UNC5D: variants seen among roughly 807,000 people sequenced by gnomAD.
UNC5D encodes netrin receptor UNC5D.
In UNC5D, 39 loss-of-function variants were observed where a neutral mutation model predicts 105.4. The observed-to-expected ratio is 0.37, with a 90% CI of 0.29 to 0.48. UNC5D has a LOEUF of 0.48. Among genes scored for constraint, UNC5D ranks in the 20% least tolerant of loss-of-function variants. The pLI, the probability that UNC5D is intolerant of heterozygous loss-of-function variation, is 0.98. For missense variants in UNC5D, 991 were observed against 1,202.4 expected, an observed-to-expected ratio of 0.82 and a Z score of 2.60; for synonymous variants, 452 against 450.4, an observed-to-expected ratio of 1.00 and a Z score of -0.04.
chr8:35,732,247 T>A (rs1829230260), intron 11 of UNC5D, among the ~76,000 whole-genome samples: 1 of 152,192 alleles, frequency 6.6e-6, no homozygotes. Flanking sequence ...TGGTACTCAA[T>A]GGTTTTAACT....
In UNC5D at chr8:35,533,331, TG is replaced by T. The variant is rs1371240378; in HGVS notation, c.104-15955del. 5.9e-5 allele frequency among the ~76,000 whole-genome samples: 9 copies of T among 152,050 alleles called. No individual in the cohort carries two copies. The South Asian group carries it at 1.2e-3, about 21-fold the overall frequency. On this transcript the variant is annotated intron_variant, in intron 1 of 16. Transcript: ENST00000404895. ...GTGTGAGGGGTCAGTGTGCCCCTGC[TG>T]GGGGGTGCCTCCCAGTTAGGCTGCT...
At chr8:35,421,736 A>G (rs1262731626) in intron 1 of UNC5D, among the ~76,000 whole-genome samples, 1 of 152,190 alleles carries the variant, frequency 6.6e-6, no homozygotes. Context: ...AAAATACAAC[A>G]TTTATGAAAA....
At chr8:35,704,389 A>G (rs1194246281) in intron 7 of UNC5D, among the ~76,000 whole-genome samples, 2 of 152,238 alleles carry the variant, frequency 1.3e-5, no homozygotes, top group Non-Finnish European at 2.9e-5. Context: ...AACTCAGAAT[A>G]GAGCTGTGTT....
At chr8:35,587,555 G>A (rs1010975521) in intron 3 of UNC5D, among the ~76,000 whole-genome samples, 1 of 152,148 alleles carries the variant, frequency 6.6e-6, no homozygotes, top group African/African-American at 2.4e-5. Flanking sequence ...AACAGAACCA[G>A]TGAAAAGTTT....
intron 1 of UNC5D, among the ~76,000 whole-genome samples, chr8:35,367,931 C>T (rs1043884549): frequency 8.5e-5 from 13 of 152,266 alleles, no homozygotes; most frequent in African/African-American, 2.6e-4. Flanking sequence ...TTTCTCTATA[C>T]GTCTTCTCTA....
At chr8:35,434,947 G>A (rs1293736137) in intron 1 of UNC5D, among the ~76,000 whole-genome samples, 2 of 152,058 alleles carry the variant, frequency 1.3e-5, no homozygotes, top group Non-Finnish European at 2.9e-5. Context: ...TGTCGTGTGT[G>A]TGTATCTGTG....
rs1300189329 is a variant in UNC5D at position 35,396,854 on chromosome 8, T to C, written c.104-152438T>C. 7.2e-5 allele frequency among the ~76,000 whole-genome samples: 11 copies of C among 151,788 alleles called. No individual in the cohort carries two copies. The East Asian group carries it at 2.0e-3, about 27-fold the overall frequency. On this transcript the variant is annotated intron_variant, in intron 1 of 16. Coordinates refer to ENST00000404895, the MANE Select transcript of UNC5D (RefSeq NM_080872.4). ...TTATAGGATACATGTGAAGTTTTGT[T>C]ATATGTGTATTATGTGTCTCTTCTG...
chr8:35,703,899 A>G (rs1827368274), intron 7 of UNC5D, among the ~76,000 whole-genome samples: 1 of 152,224 alleles, frequency 6.6e-6, no homozygotes, highest in Non-Finnish European at 1.5e-5. Flanking sequence ...GCAATAAGCA[A>G]AAACTGAGGT....
intron 11 of UNC5D, among the ~76,000 whole-genome samples, chr8:35,735,840 C>T (rs1829439074): frequency 6.6e-6 from 1 of 152,130 alleles, no homozygotes; most frequent in Admixed American, 6.5e-5. Flanking sequence ...ATCATGCAGA[C>T]CTAAGCACTC....
chr8:35,487,593 A>ACACACACACACACACACACCCCCC (rs1415748793), intron 1 of UNC5D, among the ~76,000 whole-genome samples: 2 of 150,588 alleles, frequency 1.3e-5, no homozygotes, highest in African/African-American at 4.9e-5. Context: ...ACACACACAC[A>ACACACACACACACACACACCCCCC]CCCCACAGAC....
chr8:35,793,965 TA>T lies in UNC5D; in HGVS notation c.*3406del, dbSNP rs899962946. On this transcript the variant is annotated 3_prime_UTR_variant, in exon 17 of 17. Transcript: ENST00000404895. ...GGGAGGGGATGTTAAGTCAAATCACTAAAACAGGGTTCTCTTTGGATTAAAA... is the reference window on the plus strand; with the variant it reads ...GGGAGGGGATGTTAAGTCAAATCACTAAACAGGGTTCTCTTTGGATTAAAA... The T allele has an allele frequency of 1.3e-5, 2 of 152,170 alleles. No homozygotes were observed. The highest frequency in any genetic ancestry group is 6.6e-5 in the Admixed American group (1 of 15,264). 9.4% of individuals were successfully genotyped at this position (152,170 alleles called of 1,614,324 possible). A position where few individuals can be genotyped will look rare whatever the true frequency, so the allele number is the denominator to read the frequency against.
intron 4 of UNC5D, among the ~76,000 whole-genome samples, chr8:35,628,515 T>C (rs1821834290): frequency 6.6e-6 from 1 of 152,318 alleles, no homozygotes; most frequent in Non-Finnish European, 1.5e-5. Flanking sequence ...AAAGTGTGCA[T>C]AGATTTTTCA....
rs73674017 is a variant in UNC5D at position 35,543,800 on chromosome 8, T to G, written c.104-5492T>G. Among the ~76,000 whole-genome samples the G allele has an allele frequency of 6.1e-3, 922 of 152,280 alleles. 8 individuals are homozygous for G. The highest frequency in any genetic ancestry group is 0.021 in the African/African-American group (879 of 41,554). ...CACCCATCCTGATCTGGAATCGCAG[T>G]CCAGCTCACAGGTTAACCAAATGAT... On this transcript the variant is annotated intron_variant, in intron 1 of 16. Coordinates refer to ENST00000404895, the MANE Select transcript of UNC5D (RefSeq NM_080872.4).
At chr8:35,310,735 G>A (rs1418458507) in intron 1 of UNC5D, among the ~76,000 whole-genome samples, 1 of 152,144 alleles carries the variant, frequency 6.6e-6, no homozygotes, top group African/African-American at 2.4e-5. Context: ...TCATCTGTGT[G>A]TCTCTTCATC....
chr8:35,377,159 G>T (rs987783859), intron 1 of UNC5D, among the ~76,000 whole-genome samples: 1 of 152,130 alleles, frequency 6.6e-6, no homozygotes, highest in African/African-American at 2.4e-5. Context: ...AATACTCTTT[G>T]CGTGCTATAT....
intron 1 of UNC5D, among the ~76,000 whole-genome samples, chr8:35,266,270 T>C (rs1256520609): frequency 6.6e-6 from 1 of 152,202 alleles, no homozygotes; most frequent in Non-Finnish European, 1.5e-5. Flanking sequence ...CTTTGCTTTG[T>C]AAAGGTGCCT....
intron 2 of UNC5D, among the ~76,000 whole-genome samples, chr8:35,556,618 G>C (rs570403417): frequency 4.1e-4 from 62 of 152,210 alleles, no homozygotes; most frequent in Non-Finnish European, 7.3e-4. Flanking sequence ...TACAATGCTT[G>C]TATATGTGGG....
At chr8:35,656,047 G>A (rs1403862404) in intron 4 of UNC5D, among the ~76,000 whole-genome samples, 1 of 152,148 alleles carries the variant, frequency 6.6e-6, no homozygotes, top group African/African-American at 2.4e-5. Context: ...TATGTAATCT[G>A]AGCTTTAGCC....
chr8:35,641,366 C>CAAAAA (rs377021599), intron 4 of UNC5D, among the ~76,000 whole-genome samples: 156 of 44,236 alleles, frequency 3.5e-3, no homozygotes, highest in Non-Finnish European at 4.1e-3. Flanking sequence ...AAAAATAAAG[C>CAAAAA]AAAAAAAAAA....
Sources: allele counts gnomAD v4.1 joint callset (sites outside exome capture counted in the v4.1 genomes callset), GRCh38; gene constraint gnomAD v4.1.1; transcripts MANE v1.5; gene names NCBI Gene and HGNC (gene_info 2026-07-23, HGNC 2026-07-21).